The following TTC28 variants were observed in gnomAD, a reference collection of about 807,000 sequenced individuals.
TTC28 encodes the protein tetratricopeptide repeat protein 28.
Under a neutral mutation model 198.0 loss-of-function variants are expected in TTC28, and 61 were observed. That is an observed-to-expected ratio of 0.31 (90% confidence interval 0.25 to 0.38). TTC28 has a LOEUF of 0.38. Ranked by LOEUF, TTC28 falls within the 10% of genes least tolerant of loss-of-function variation. The pLI is 1.00. For missense variants in TTC28, 2,678 were observed against 3,164.0 expected (o/e 0.85, Z 3.69); for synonymous variants, 1,171 against 1,297.8 (o/e 0.90, Z 2.10).
At chr22:28,660,250 CT>C (rs1253810445) in intron 1 of TTC28, among the ~76,000 whole-genome samples, 8 of 152,220 alleles carry the variant, frequency 5.3e-5, no homozygotes, top group Non-Finnish European at 7.3e-5. Flanking sequence ...AAAATTGATT[CT>C]TCCTCATCAA....
At chr22:28,160,322 C>G (rs1168940808) in intron 6 of TTC28, among the ~76,000 whole-genome samples, 1 of 152,094 alleles carries the variant, frequency 6.6e-6, no homozygotes, top group Non-Finnish European at 1.5e-5. Context: ...TCAAGTACCC[C>G]ACAAATATAT....
At chr22:28,123,435 T>A (rs1942840051) in intron 6 of TTC28, among the ~76,000 whole-genome samples, 1 of 152,014 alleles carries the variant, frequency 6.6e-6, no homozygotes, top group South Asian at 2.1e-4. Context: ...TTTGTATTTT[T>A]TAGTAGAAAT....
chr22:28,162,604 G>A (rs1048101929), intron 6 of TTC28, among the ~76,000 whole-genome samples: 1 of 152,104 alleles, frequency 6.6e-6, no homozygotes, highest in Non-Finnish European at 1.5e-5. Context: ...ACAGCACCAC[G>A]ATGACAGGAA....
chr22:28,434,060 G>C lies in TTC28; in HGVS notation c.382-127417C>G, dbSNP rs757378612. ...GGGAGAACAAATGTCAAGCTTTTTG[G>C]GGTTTCTTAGTTTAATAAGTAGATA... On this transcript the variant is annotated intron_variant, in intron 2 of 22. Coordinates refer to ENST00000397906, the MANE Select transcript of TTC28 (RefSeq NM_001145418.2). 9.6e-4 allele frequency among the ~76,000 whole-genome samples: 146 copies of C among 152,114 alleles called. 1 individual carries two copies. The highest frequency in any genetic ancestry group is 4.9e-4 in the Non-Finnish European group (33 of 67,990).
intron 14 of TTC28, among the ~76,000 whole-genome samples, chr22:28,003,278 C>T (rs1019508476): frequency 6.6e-6 from 1 of 152,142 alleles, no homozygotes; most frequent in African/African-American, 2.4e-5. Flanking sequence ...CAGTGAACCT[C>T]GAACCAGCCG....
intron 1 of TTC28, among the ~76,000 whole-genome samples, chr22:28,669,456 C>T (rs941848467): frequency 1.6e-4 from 24 of 150,458 alleles, no homozygotes; most frequent in African/African-American, 5.1e-4. Flanking sequence ...ATAAAAGGTA[C>T]AATTTACCCA....
chr22:28,094,381 A>G (rs1941907890), intron 11 of TTC28, 136 bp from the exon 12 acceptor site: 1 of 1,012,714 alleles, frequency 9.9e-7, no homozygotes, highest in Non-Finnish European at 1.4e-6. Flanking sequence ...CTGTCAAAAA[A>G]TCCTGAAATC....
intron 6 of TTC28, among the ~76,000 whole-genome samples, chr22:28,154,356 C>CTT (rs559340098): frequency 1.8e-4 from 21 of 115,572 alleles, no homozygotes; most frequent in African/African-American, 2.3e-4. Context: ...TTTTCTTTTT[C>CTT]TTTTTTTTTT....
intron 2 of TTC28, among the ~76,000 whole-genome samples, chr22:28,318,426 C>A (rs757189942): frequency 6.6e-6 from 1 of 152,146 alleles, no homozygotes; most frequent in Non-Finnish European, 1.5e-5. Context: ...AAGCTGGTAA[C>A]ACCAGATGGG....
chr22:28,201,039 T>C (rs138584350), intron 5 of TTC28, among the ~76,000 whole-genome samples: 10 of 152,330 alleles, frequency 6.6e-5, no homozygotes, highest in East Asian at 3.9e-4. Flanking sequence ...TTTATGTCCA[T>C]TGGCTCACTT....
chr22:28,416,091 CCTAT>C (rs1297189766), intron 2 of TTC28, among the ~76,000 whole-genome samples: 1 of 152,062 alleles, frequency 6.6e-6, no homozygotes, highest in Non-Finnish European at 1.5e-5. Context: ...TAAAACTTTC[CCTAT>C]CTATTCTATA....
chr22:28,074,408 A>C (rs968908590), intron 12 of TTC28, among the ~76,000 whole-genome samples: 10 of 152,222 alleles, frequency 6.6e-5, no homozygotes, highest in Non-Finnish European at 5.9e-5. Context: ...TAATCAACAG[A>C]TTCAGAATCC....
At chr22:28,654,892 C>A (rs890207452) in intron 1 of TTC28, among the ~76,000 whole-genome samples, 1 of 152,146 alleles carries the variant, frequency 6.6e-6, no homozygotes, top group Non-Finnish European at 1.5e-5. Context: ...AAATATGATT[C>A]CTCAAACTGG....
At chr22:28,050,775 C>T (rs560520166) in intron 12 of TTC28, among the ~76,000 whole-genome samples, 50 of 152,176 alleles carry the variant, frequency 3.3e-4, no homozygotes, top group Middle Eastern at 3.4e-3. Context: ...CATACTGTGC[C>T]GCTTCTAATG....
intron 2 of TTC28, among the ~76,000 whole-genome samples, chr22:28,310,151 C>A (rs1283626487): frequency 7.8e-6 from 1 of 128,498 alleles, no homozygotes; most frequent in African/African-American, 3.1e-5. Context: ...CACACACACA[C>A]ACACACACAC....
intron 2 of TTC28, among the ~76,000 whole-genome samples, chr22:28,326,975 AACACACACACACACACAC>A (rs57349023): frequency 2.1e-5 from 3 of 142,840 alleles, no homozygotes; most frequent in Non-Finnish European, 4.6e-5. Flanking sequence ...CACAAACACA[AACACACACACACACACAC>A]ACACACACAC....
intron 8 of TTC28, among the ~76,000 whole-genome samples, chr22:28,103,021 A>G (rs887450151): frequency 6.6e-6 from 1 of 152,200 alleles, no homozygotes; most frequent in Non-Finnish European, 1.5e-5. Context: ...AAATTCACTG[A>G]GACAACTCCT....
intron 14 of TTC28, among the ~76,000 whole-genome samples, chr22:28,009,901 A>G (rs1938076849): frequency 6.6e-6 from 1 of 152,226 alleles, no homozygotes; most frequent in Non-Finnish European, 1.5e-5. Context: ...ACAATGGATC[A>G]TTTTAGTTAG....
chr22:28,516,670 C>T (rs867132046), intron 2 of TTC28, among the ~76,000 whole-genome samples: 1 of 151,950 alleles, frequency 6.6e-6, no homozygotes, highest in African/African-American at 2.4e-5. Context: ...AATGATTAGT[C>T]GATGGGTGCA....
Sources: gnomAD v4.1 joint callset for allele counts (sites outside exome capture counted in the v4.1 genomes callset) on GRCh38, gnomAD v4.1.1 for gene constraint, MANE v1.5 for transcripts, NCBI Gene and HGNC (gene_info 2026-07-23, HGNC 2026-07-21) for gene names.